ZNF367: variants seen among roughly 807,000 people sequenced by gnomAD.
ZNF367 encodes the protein C2H2 zinc finger protein ZFF29.
Under a neutral mutation model 31.8 loss-of-function variants are expected in ZNF367, and 11 were observed. The observed-to-expected ratio is 0.35, with a 90% CI of 0.22 to 0.57. ZNF367 has a LOEUF of 0.57. ZNF367 is among the 20% of genes least tolerant of loss of function. The probability of loss-of-function intolerance (pLI) is 0.85; values close to 1 mark genes in which losing one functional copy is unlikely to be tolerated. For synonymous variants in ZNF367, 199 were observed against 202.4 expected (o/e 0.98, Z 0.14); for missense variants, 353 against 484.1 (o/e 0.73, Z 2.54).
chr9:96,396,196 G>C (rs140651627), intron 2 of ZNF367, among the ~76,000 whole-genome samples: 3 of 152,212 alleles, frequency 2.0e-5, no homozygotes, highest in African/African-American at 7.2e-5. Context: ...TGATCAGGAC[G>C]GCACTCAGCC....
In ZNF367 at chr9:96,392,262, CAG is replaced by C. The variant is rs377127423; in HGVS notation, c.830+134_830+135del. The C allele has an allele frequency of 1.6e-4, 218 of 1,322,844 alleles. No individual in the cohort carries two copies. The Middle Eastern group carries it at 1.9e-3, about 11-fold the overall frequency. 81.9% of individuals were successfully genotyped at this position (1,322,844 alleles called of 1,614,324 possible). Reference sequence around the variant, plus strand: ...CACTCACAACAATTTTATAGAAAATCAGGGGTCATTTCTAATTATGTTATAAA... The same window carrying C: ...CACTCACAACAATTTTATAGAAAATCGGGTCATTTCTAATTATGTTATAAA... On this transcript the variant is annotated intron_variant, in intron 4 of 4. Transcript: ENST00000375256.
chr9:96,406,776 G>A (rs371795910), intron 1 of ZNF367, among the ~76,000 whole-genome samples: 16 of 151,848 alleles, frequency 1.1e-4, no homozygotes, highest in South Asian at 1.0e-3. Context: ...CGAGGCAGGC[G>A]GATCACGAGG....
chr9:96,392,107 G>A (rs980950392), intron 4 of ZNF367, among the ~76,000 whole-genome samples: 1 of 152,074 alleles, frequency 6.6e-6, no homozygotes, highest in African/African-American at 2.4e-5. Context: ...CATTCATGAC[G>A]AATGAAATAC....
intron 1 of ZNF367, chr9:96,407,572 C>T (rs1831686934): frequency 4.9e-6 from 7 of 1,424,944 alleles, no homozygotes; most frequent in Admixed American, 3.3e-5. Flanking sequence ...CAGAGAGGGA[C>T]AATCTCGAGC....
chr9:96,401,534 G>C (rs1303137938), intron 1 of ZNF367, among the ~76,000 whole-genome samples: 3 of 151,972 alleles, frequency 2.0e-5, no homozygotes, highest in East Asian at 3.9e-4. Flanking sequence ...GTGCATGCCT[G>C]TAATCCCAGC....
In ZNF367 at chr9:96,388,438, C is replaced by T; in HGVS notation, c.852G>A (p.Gln284=). Residue 284 remains glutamine (Q), a synonymous_variant, in exon 5 of 5, where the codon CAG becomes CAA. Coordinates refer to ENST00000375256, the MANE Select transcript of ZNF367 (RefSeq NM_153695.4). The stretch of plus-strand genomic sequence containing the variant: ...GCTTGCCTTTCAAAGTGGGGGTGCG[C>T]TGCTCTCTCATTTCCCAATACCTAT... ...WLARYWEMRE[Q]RTPTLKGKLV... 2.5e-6 allele frequency: 4 copies of T among 1,613,870 alleles called. No homozygotes were observed. Among genetic ancestry groups the T allele is most frequent in the Non-Finnish European group, 3.4e-6 (4 of 1,180,028 alleles).
At chr9:96,403,214 C>A (rs1831629646) in intron 1 of ZNF367, among the ~76,000 whole-genome samples, 1 of 152,304 alleles carries the variant, frequency 6.6e-6, no homozygotes, top group Non-Finnish European at 1.5e-5. Flanking sequence ...GTGATCCACC[C>A]GCCTTGGCCT....
chr9:96,412,475 G>C (rs1482750933), intron 1 of ZNF367, among the ~76,000 whole-genome samples: 1 of 152,056 alleles, frequency 6.6e-6, no homozygotes, highest in African/African-American at 2.4e-5. Context: ...GGTCTCAGAG[G>C]GAGGCGTGTG....
At chr9:96,393,739 G>A (rs945322168) in intron 3 of ZNF367, among the ~76,000 whole-genome samples, 9 of 152,128 alleles carry the variant, frequency 5.9e-5, no homozygotes, top group African/African-American at 2.2e-4. Context: ...GCTGAGGCAG[G>A]AGAATCGCTT....
At chr9:96,400,883 T>C (rs1831595008) in intron 1 of ZNF367, among the ~76,000 whole-genome samples, 1 of 152,056 alleles carries the variant, frequency 6.6e-6, no homozygotes, top group African/African-American at 2.4e-5. Flanking sequence ...ACCAAGACAT[T>C]TTGTAATCAA....
intron 1 of ZNF367, among the ~76,000 whole-genome samples, chr9:96,415,081 G>A (rs1468928306): frequency 6.7e-6 from 1 of 148,502 alleles, no homozygotes; most frequent in Non-Finnish European, 1.5e-5. Context: ...CTGAGACAGA[G>A]TCTTGCTCTG....
At chr9:96,407,453 A>T in intron 1 of ZNF367, 1 of 1,378,562 alleles carries the variant, frequency 7.3e-7, no homozygotes, top group South Asian at 1.2e-5. Context: ...CGCCATGCTG[A>T]GAAAATATAA....
chr9:96,401,287 G>T (rs1831600456), intron 1 of ZNF367, among the ~76,000 whole-genome samples: 1 of 152,108 alleles, frequency 6.6e-6, no homozygotes, highest in South Asian at 2.1e-4. Context: ...CAGCTGATTG[G>T]GAGGCCAGGG....
In ZNF367 at chr9:96,387,884, G is replaced by C. The variant is rs1306416391; in HGVS notation, c.*353C>G. On this transcript the variant is annotated 3_prime_UTR_variant, in exon 5 of 5. Coordinates refer to ENST00000375256, the MANE Select transcript of ZNF367 (RefSeq NM_153695.4). ...CTGTTTTAATCTTCTTTGGCTATTTGTACCATTCTGTTTTTCAAACAAGTG... is the reference window on the plus strand; with the variant it reads ...CTGTTTTAATCTTCTTTGGCTATTTCTACCATTCTGTTTTTCAAACAAGTG... The C allele has an allele frequency of 4.6e-6, 1 of 218,352 alleles. No homozygotes were observed. The highest frequency in any genetic ancestry group is 5.4e-5 in the Admixed American group (1 of 18,576). The allele number at this position is 218,352 out of a possible 1,614,324, so 13.5% of individuals were successfully genotyped here. A position where few individuals can be genotyped will look rare whatever the true frequency, so the allele number is the denominator to read the frequency against.
In ZNF367 at chr9:96,417,850, G is replaced by T; in HGVS notation, c.183C>A (p.Pro61=). 6.7e-7 allele frequency: 1 copy of T among 1,503,530 alleles called. No homozygotes were observed. Among genetic ancestry groups the T allele is most frequent in the Non-Finnish European group, 8.8e-7 (1 of 1,134,556 alleles). The allele number at this position is 1,503,530 out of a possible 1,614,324, so 93.1% of individuals were successfully genotyped here. A position where few individuals can be genotyped will look rare whatever the true frequency, so the allele number is the denominator to read the frequency against. Residue 61 remains proline (P), a synonymous_variant, in exon 1 of 5, where the codon CCC becomes CCA. Coordinates refer to ENST00000375256, the MANE Select transcript of ZNF367 (RefSeq NM_153695.4). The surrounding 1 kb of genome is among the most constrained non-coding windows in gnomAD (Gnocchi z 5.0). ...GGTACACCATGAAGTCGCTGAAGCC[G>T]GGGCTGGTGGGGATGAGCGGCGGCG... ...EPPPPLIPTS[P]GFSDFMVYPW...
chr9:96,408,666 A>G (rs922203035), intron 1 of ZNF367, among the ~76,000 whole-genome samples: 1 of 152,228 alleles, frequency 6.6e-6, no homozygotes, highest in Non-Finnish European at 1.5e-5. Flanking sequence ...TACAAGATGA[A>G]TAAATTCTAG....
At chr9:96,403,370 T>C (rs1183672568) in intron 1 of ZNF367, among the ~76,000 whole-genome samples, 2 of 152,180 alleles carry the variant, frequency 1.3e-5, no homozygotes, top group Non-Finnish European at 2.9e-5. Flanking sequence ...ACCAAACTTA[T>C]AGGATACAAT....
At chr9:96,395,374 A>G (rs1303060747) in intron 2 of ZNF367, among the ~76,000 whole-genome samples, 1 of 152,128 alleles carries the variant, frequency 6.6e-6, no homozygotes, top group African/African-American at 2.4e-5. Flanking sequence ...TAGCTGGCAT[A>G]GAAATCTGCT....
intron 3 of ZNF367, among the ~76,000 whole-genome samples, chr9:96,394,439 A>T (rs982160319): frequency 2.6e-5 from 4 of 152,248 alleles, no homozygotes; most frequent in Admixed American, 2.6e-4. Flanking sequence ...CGGTGACTAT[A>T]GTCAATAATA....
Sources: gnomAD v4.1 joint callset for allele counts (sites outside exome capture counted in the v4.1 genomes callset) on GRCh38, gnomAD v4.1.1 for gene constraint, Gnocchi (gnomAD v3.1) non-coding constraint, MANE v1.5 for transcripts, NCBI Gene and HGNC (gene_info 2026-07-23, HGNC 2026-07-21) for gene names.